KCNJ3: variants seen among roughly 807,000 people sequenced by gnomAD.
The protein encoded by KCNJ3 is potassium inwardly rectifying channel subfamily J member 3.
A neutral mutation model predicts 39.2 loss-of-function variants in KCNJ3; 4 were observed. That is an observed-to-expected ratio of 0.10 (90% CI 0.05 to 0.23). The LOEUF (loss-of-function observed/expected upper bound fraction) is 0.23. Ranked by LOEUF, KCNJ3 falls within the 10% of genes least tolerant of loss-of-function variation. KCNJ3 has a pLI of 1.00. For synonymous variants in KCNJ3, 230 were observed against 237.4 expected (o/e 0.97, Z 0.29); for missense variants, 276 against 634.9 (o/e 0.43, Z 6.08).
intron 2 of KCNJ3, among the ~76,000 whole-genome samples, chr2:154,837,070 A>G (rs1687479019): frequency 1.3e-5 from 2 of 152,202 alleles, no homozygotes; most frequent in African/African-American, 4.8e-5. Context: ...ATGGATGTCA[A>G]GTGTGTAAGT....
chr2:154,844,436 C>T (rs1001575015), intron 2 of KCNJ3, among the ~76,000 whole-genome samples: 1 of 152,238 alleles, frequency 6.6e-6, no homozygotes, highest in Non-Finnish European at 1.5e-5. Context: ...TCTGTCCATT[C>T]TCAGAGCTCA....
chr2:154,804,745 A>T (rs556949893), intron 2 of KCNJ3, among the ~76,000 whole-genome samples: 1 of 152,234 alleles, frequency 6.6e-6, no homozygotes, highest in South Asian at 2.1e-4. Flanking sequence ...CACTAAAAAT[A>T]ATGGTGCTGA....
At position 154,825,541 on chromosome 2, in the gene KCNJ3, ATTATTTATTTATTTAT is replaced by A. The variant is rs141631387; in HGVS notation, c.920-29156_920-29141del. Among the ~76,000 whole-genome samples the A allele has an allele frequency of 1.0e-3, 146 of 144,188 alleles. 1 individual carries two copies. Among genetic ancestry groups the A allele is most frequent in the Middle Eastern group, 3.5e-3 (1 of 284 alleles). The allele number at this position is 144,188 out of a possible 152,430, so 94.6% of individuals were successfully genotyped here. On this transcript the variant is annotated intron_variant, in intron 2 of 2. Transcript: ENST00000295101. Reference sequence around the variant, plus strand: ...GTTCAGGACCCCAAGAACTCATGAAATTATTTATTTATTTATTTATTTATTTATTTATTTATTTATT... The same window carrying A: ...GTTCAGGACCCCAAGAACTCATGAAATTATTTATTTATTTATTTATTTATT...
intron 2 of KCNJ3, among the ~76,000 whole-genome samples, chr2:154,827,307 G>A (rs1687286941): frequency 6.6e-6 from 1 of 152,032 alleles, no homozygotes; most frequent in Non-Finnish European, 1.5e-5. Flanking sequence ...AATCTTTGGG[G>A]TGTTTTTCTA....
chr2:154,717,873 C>A (rs1685207440), intron 2 of KCNJ3, among the ~76,000 whole-genome samples: 1 of 152,122 alleles, frequency 6.6e-6, no homozygotes, highest in South Asian at 2.1e-4. Flanking sequence ...ACAGGATCAG[C>A]AAACTACGTA....
At chr2:154,808,738 A>C (rs1686959404) in intron 2 of KCNJ3, among the ~76,000 whole-genome samples, 1 of 152,238 alleles carries the variant, frequency 6.6e-6, no homozygotes, top group Middle Eastern at 3.4e-3. Flanking sequence ...ATTATTACCC[A>C]TGAGACAATC....
At position 154,845,949 on chromosome 2, in the gene KCNJ3, G is replaced by A. The variant is rs74460325; in HGVS notation, c.920-8778G>A. Among the ~76,000 whole-genome samples, 67 of 149,364 alleles carry A rather than the reference G, an allele frequency of 4.5e-4. No homozygotes were observed. In the East Asian group the frequency reaches 5.1e-3, roughly 11 times the overall value. Reference sequence around the variant, plus strand: ...CGTACCACTGCCCTCCAGCCTGGGCGTCACAGCGAGACTCTGTCTCAGAAA... The same window carrying A: ...CGTACCACTGCCCTCCAGCCTGGGCATCACAGCGAGACTCTGTCTCAGAAA... On this transcript the variant is annotated intron_variant, in intron 2 of 2. Transcript: ENST00000295101.
At chr2:154,848,057 G>C (rs964495650) in intron 2 of KCNJ3, among the ~76,000 whole-genome samples, 2 of 152,110 alleles carry the variant, frequency 1.3e-5, no homozygotes, top group Non-Finnish European at 2.9e-5. Flanking sequence ...CACTAGAAAT[G>C]AACAGTGTAC....
intron 2 of KCNJ3, among the ~76,000 whole-genome samples, chr2:154,727,492 T>G (rs943482557): frequency 6.8e-6 from 1 of 147,582 alleles, no homozygotes; most frequent in African/African-American, 2.5e-5. Context: ...CTCAGGAGGC[T>G]GAGGCAGCAG....
chr2:154,785,013 A>G (rs991035172), intron 2 of KCNJ3, among the ~76,000 whole-genome samples: 1 of 152,146 alleles, frequency 6.6e-6, no homozygotes, highest in African/African-American at 2.4e-5. Flanking sequence ...GTGTGAGGAG[A>G]AGAGGGCTTT....
intron 2 of KCNJ3, among the ~76,000 whole-genome samples, chr2:154,829,847 CTTA>C (rs1687333520): frequency 6.6e-6 from 1 of 151,966 alleles, no homozygotes; most frequent in Non-Finnish European, 1.5e-5. Flanking sequence ...GAGATGGTAT[CTTA>C]TTGTGGTTTT....
chr2:154,708,886 A>G (rs916475212), intron 1 of KCNJ3, among the ~76,000 whole-genome samples: 5 of 152,202 alleles, frequency 3.3e-5, no homozygotes, highest in African/African-American at 1.2e-4. Flanking sequence ...TTTTGATTAA[A>G]GAAAGTTCAG....
At chr2:154,843,091 T>C (rs1327958377) in intron 2 of KCNJ3, among the ~76,000 whole-genome samples, 1 of 152,226 alleles carries the variant, frequency 6.6e-6, no homozygotes, top group African/African-American at 2.4e-5. Context: ...TTTCTTTCCA[T>C]GTTTAGTGCT....
intron 2 of KCNJ3, among the ~76,000 whole-genome samples, chr2:154,714,707 C>A (rs1157684626): frequency 2.0e-5 from 3 of 152,174 alleles, no homozygotes; most frequent in African/African-American, 7.2e-5. Flanking sequence ...TATTTTATCC[C>A]TGCCCCCTGT....
At chr2:154,838,541 G>A (rs1196561561) in intron 2 of KCNJ3, among the ~76,000 whole-genome samples, 2 of 152,126 alleles carry the variant, frequency 1.3e-5, no homozygotes, top group South Asian at 2.1e-4. Context: ...GATCCAGCAC[G>A]TATGTTTTTA....
chr2:154,854,899 G>A lies in KCNJ3; in HGVS notation c.1092G>A (p.Met364Ile). Residue 364 changes from methionine (M) to isoleucine (I), a missense_variant, in exon 3 of 3, where the codon ATG becomes ATA. By Grantham distance (10) the Met-to-Ile change is conservative. Around this residue, in one of 4 missense-constraint regions of KCNJ3, gnomAD observed 126 missense variants for 179.8 expected, o/e 0.70. Coordinates refer to ENST00000295101, the MANE Select transcript of KCNJ3 (RefSeq NM_002239.4). ...ACAGTGTGAAAGAGCAGGAGGAAATGCTTCTCATGTCGTCCCCTTTAATAG... is the reference window on the plus strand; with the variant it reads ...ACAGTGTGAAAGAGCAGGAGGAAATACTTCTCATGTCGTCCCCTTTAATAG... ...PPYSVKEQEE[M>I]LLMSSPLIAP... The A allele has an allele frequency of 6.2e-7, 1 of 1,614,012 alleles. No homozygotes were observed.
chr2:154,729,046 T>G (rs1685409090), intron 2 of KCNJ3, among the ~76,000 whole-genome samples: 1 of 152,204 alleles, frequency 6.6e-6, no homozygotes, highest in Non-Finnish European at 1.5e-5. Context: ...GAGGACTAAC[T>G]ATGTTTTAAC....
At chr2:154,701,127 T>C (rs1295544684) in intron 1 of KCNJ3, among the ~76,000 whole-genome samples, 1 of 152,162 alleles carries the variant, frequency 6.6e-6, no homozygotes, top group South Asian at 2.1e-4. Context: ...TAACTGTATG[T>C]GTCTTTAGCT....
At chr2:154,839,825 C>G (rs1205913066) in intron 2 of KCNJ3, among the ~76,000 whole-genome samples, 1 of 151,848 alleles carries the variant, frequency 6.6e-6, no homozygotes, top group African/African-American at 2.4e-5. Flanking sequence ...TTTGTAGATT[C>G]CGGATGTTAG....
Sources: allele counts gnomAD v4.1 joint callset (sites outside exome capture counted in the v4.1 genomes callset), GRCh38; gene constraint gnomAD v4.1.1; regional missense constraint gnomAD v4.1.1; transcripts MANE v1.5; gene names NCBI Gene and HGNC (gene_info 2026-07-23, HGNC 2026-07-21).